Variants in AJAP1 observed in about 807,000 individuals in gnomAD.
The protein encoded by AJAP1 is adherens junction-associated protein 1.
A neutral mutation model predicts 35.0 loss-of-function variants in AJAP1; 5 were observed. The observed-to-expected ratio is 0.14, with a 90% CI of 0.07 to 0.30. The LOEUF is 0.30. Among genes scored for constraint, AJAP1 ranks in the 10% least tolerant of loss-of-function variants. The probability of loss-of-function intolerance (pLI) is 1.00; values close to 1 mark genes in which losing one functional copy is unlikely to be tolerated. For missense variants in AJAP1, 586 were observed against 571.0 expected (o/e 1.03, Z -0.27); for synonymous variants, 284 against 249.3 (o/e 1.14, Z -1.31).
chr1:4,702,868 G>A lies in AJAP1; in HGVS notation c.30-9032G>A, dbSNP rs141092149. 7.7e-4 allele frequency among the ~76,000 whole-genome samples: 118 copies of A among 152,292 alleles called. 1 individual carries two copies. Among genetic ancestry groups the A allele is most frequent in the African/African-American group, 2.6e-3 (108 of 41,572 alleles). ...CTAGACCTGCTGTCCTGGGGATGGG[G>A]CATTGGGAGGCAAGCCCCCAGACAA... On this transcript the variant is annotated intron_variant, in intron 1 of 5. Coordinates refer to ENST00000378191, the MANE Select transcript of AJAP1 (RefSeq NM_018836.4).
chr1:4,769,598 G>C (rs1161195684), intron 2 of AJAP1, among the ~76,000 whole-genome samples: 4 of 152,186 alleles, frequency 2.6e-5, no homozygotes, highest in Non-Finnish European at 5.9e-5. Context: ...AGACTGACAG[G>C]GTGGTGGTGG....
At chr1:4,664,959 C>T (rs940305559) in intron 1 of AJAP1, among the ~76,000 whole-genome samples, 1 of 152,144 alleles carries the variant, frequency 6.6e-6, no homozygotes, top group African/African-American at 2.4e-5. Flanking sequence ...TAGCAAGGAA[C>T]CTATCTGAAC....
chr1:4,655,547 C>T lies in AJAP1; in HGVS notation c.29+93C>T, dbSNP rs909830538. The stretch of plus-strand genomic sequence containing the variant: ...TTCCTCTATGTTGCAAATCAAGGGA[C>T]CCCTCTTCGCTTCCCGCAAGCGGGC... On this transcript the variant is annotated intron_variant, in intron 1 of 5. Transcript: ENST00000378191. The surrounding 1 kb of genome is among the most constrained non-coding windows in gnomAD (Gnocchi z 6.9). The T allele has an allele frequency of 1.3e-5, 19 of 1,446,916 alleles. No homozygotes were observed. The highest frequency in any genetic ancestry group is 6.2e-5 in the Admixed American group (3 of 48,122). The allele number at this position is 1,446,916 out of a possible 1,614,324, so 89.6% of individuals were successfully genotyped here.
chr1:4,754,539 G>C (rs1243525323), intron 2 of AJAP1, among the ~76,000 whole-genome samples: 3 of 152,152 alleles, frequency 2.0e-5, no homozygotes, highest in Non-Finnish European at 4.4e-5. Flanking sequence ...CCCAGACCAT[G>C]GATGGCTTCC....
In AJAP1 at chr1:4,693,980, G is replaced by C. The variant is rs1056656616; in HGVS notation, c.30-17920G>C. Among the ~76,000 whole-genome samples the C allele has an allele frequency of 8.5e-5, 13 of 152,220 alleles. No homozygotes were observed. Among genetic ancestry groups the C allele is most frequent in the African/African-American group, 3.1e-4 (13 of 41,454 alleles). Reference sequence around the variant, plus strand: ...GGACACTCCAGCCCACTGCAGTGCCGGGAAAAGTGAGGCCTCATTCACAAG... The same window carrying C: ...GGACACTCCAGCCCACTGCAGTGCCCGGAAAAGTGAGGCCTCATTCACAAG... On this transcript the variant is annotated intron_variant, in intron 1 of 5. Coordinates refer to ENST00000378191, the MANE Select transcript of AJAP1 (RefSeq NM_018836.4). This position sits in a 1 kb window ranked among gnomAD's most constrained non-coding sequence, Gnocchi z 4.4.
At chr1:4,702,739 C>T (rs997276958) in intron 1 of AJAP1, among the ~76,000 whole-genome samples, 9 of 152,156 alleles carry the variant, frequency 5.9e-5, no homozygotes, top group African/African-American at 4.8e-5. Flanking sequence ...GAGGAGCCTC[C>T]GCTGGGTACT....
chr1:4,783,378 C>T lies in AJAP1; in HGVS notation c.*893C>T, dbSNP rs1402276600. On this transcript the variant is annotated 3_prime_UTR_variant, in exon 6 of 6. Coordinates refer to ENST00000378191, the MANE Select transcript of AJAP1 (RefSeq NM_018836.4). ...GACAAGGAGGCCCTTAAATGACAGC[C>T]TGCATTTGCTAGACGGTTGGTGAGT... 1 of 150,486 alleles carries T rather than the reference C, an allele frequency of 6.6e-6. No homozygotes were observed. The highest frequency in any genetic ancestry group is 6.6e-5 in the Admixed American group (1 of 15,060). 9.3% of individuals were successfully genotyped at this position (150,486 alleles called of 1,614,324 possible). A position where few individuals can be genotyped will look rare whatever the true frequency, so the allele number is the denominator to read the frequency against.
chr1:4,772,893 C>A (rs1013134933), intron 4 of AJAP1, among the ~76,000 whole-genome samples: 1 of 152,136 alleles, frequency 6.6e-6, no homozygotes, highest in East Asian at 1.9e-4. Flanking sequence ...TCACAACAGC[C>A]CCCCGACCGG....
At chr1:4,748,461 G>T (rs1263867838) in intron 2 of AJAP1, among the ~76,000 whole-genome samples, 1 of 152,052 alleles carries the variant, frequency 6.6e-6, no homozygotes, top group African/African-American at 2.4e-5. Flanking sequence ...ATGGAACAGG[G>T]CTCTGGCTGG....
At chr1:4,737,795 G>A (rs1271238903) in intron 2 of AJAP1, among the ~76,000 whole-genome samples, 3 of 152,166 alleles carry the variant, frequency 2.0e-5, no homozygotes, top group Non-Finnish European at 4.4e-5. Flanking sequence ...CCAGCTACTC[G>A]AGAGGCTGAG....
At chr1:4,695,868 C>A (rs1639846492) in intron 1 of AJAP1, among the ~76,000 whole-genome samples, 1 of 152,168 alleles carries the variant, frequency 6.6e-6, no homozygotes, top group African/African-American at 2.4e-5. Context: ...CTTGAGGAGA[C>A]CCAAGTCGGC....
chr1:4,747,829 A>G (rs972357450), intron 2 of AJAP1, among the ~76,000 whole-genome samples: 4 of 151,952 alleles, frequency 2.6e-5, no homozygotes, highest in Admixed American at 2.6e-4. Context: ...CTCTACTAAA[A>G]ATACAAAAAT....
intron 5 of AJAP1, among the ~76,000 whole-genome samples, chr1:4,776,113 A>G (rs1008643311): frequency 3.3e-5 from 5 of 152,246 alleles, no homozygotes; most frequent in Non-Finnish European, 1.5e-5. Context: ...CCACAGACCC[A>G]CAGAACTGGA....
At chr1:4,684,377 C>T (rs189058551) in intron 1 of AJAP1, among the ~76,000 whole-genome samples, 6 of 152,264 alleles carry the variant, frequency 3.9e-5, no homozygotes, top group African/African-American at 1.2e-4. Context: ...AGCTGCACAT[C>T]GGCCTTTATG....
At chr1:4,681,480 G>A (rs1026157381) in intron 1 of AJAP1, among the ~76,000 whole-genome samples, 31 of 152,202 alleles carry the variant, frequency 2.0e-4, no homozygotes, top group African/African-American at 7.0e-4. Flanking sequence ...CCCATAGGCA[G>A]TAATTTGTGT....
chr1:4,681,683 A>G (rs1428825784), intron 1 of AJAP1, among the ~76,000 whole-genome samples: 2 of 152,196 alleles, frequency 1.3e-5, no homozygotes, highest in South Asian at 2.1e-4. Flanking sequence ...GAGGTACTGG[A>G]CAAAGCAAGG....
chr1:4,729,438 C>T (rs920085746), intron 2 of AJAP1, among the ~76,000 whole-genome samples: 1 of 152,228 alleles, frequency 6.6e-6, no homozygotes, highest in African/African-American at 2.4e-5. Flanking sequence ...CTCCTGGCCT[C>T]TGAGCTGTGC....
At chr1:4,767,019 C>A (rs151167097) in intron 2 of AJAP1, among the ~76,000 whole-genome samples, 1 of 152,054 alleles carries the variant, frequency 6.6e-6, no homozygotes, top group Admixed American at 6.6e-5. Context: ...TGGTGATTAG[C>A]CCATAATGCA....
rs1323714321 is a variant in AJAP1, at chr1:4,783,098, T to A, written c.*613T>A. On this transcript the variant is annotated 3_prime_UTR_variant, in exon 6 of 6. Transcript: ENST00000378191. ...TTTGAAGATCTTAAATGTTCCTTTT[T>A]AAAAAAAAGAATTGTGTTATAGGTT... 7 of 350,310 alleles carry A rather than the reference T, an allele frequency of 2.0e-5. No homozygotes were observed. Among genetic ancestry groups the A allele is most frequent in the Non-Finnish European group, 3.5e-5 (7 of 198,188 alleles). 21.7% of individuals were successfully genotyped at this position (350,310 alleles called of 1,614,324 possible).
Sources: gnomAD v4.1 joint callset for allele counts (sites outside exome capture counted in the v4.1 genomes callset) on GRCh38, gnomAD v4.1.1 for gene constraint, Gnocchi (gnomAD v3.1) non-coding constraint, MANE v1.5 for transcripts, NCBI Gene and HGNC (gene_info 2026-07-23, HGNC 2026-07-21) for gene names.